GNAQ: variants seen among roughly 807,000 people sequenced by gnomAD.
The protein encoded by GNAQ is guanine nucleotide-binding protein G(q) subunit alpha.
In GNAQ, 8 loss-of-function variants were observed where a neutral mutation model predicts 43.9. That is an observed-to-expected ratio of 0.18 (90% confidence interval 0.11 to 0.33). The LOEUF is 0.33. Among genes scored for constraint, GNAQ ranks in the 10% least tolerant of loss-of-function variants. The pLI, the probability that GNAQ is intolerant of heterozygous loss-of-function variation, is 1.00. For missense variants in GNAQ, 158 were observed against 450.8 expected, an observed-to-expected ratio of 0.35 and a Z score of 5.88; for synonymous variants, 155 against 170.7, an observed-to-expected ratio of 0.91 and a Z score of 0.71.
At chr9:77,824,271 T>A (rs7861906) in intron 2 of GNAQ, among the ~76,000 whole-genome samples, 4,315 of 152,298 alleles carry the variant, frequency 0.028, 165 homozygotes, top group African/African-American at 0.091. Context: ...ACCTTAATAG[T>A]TTTAATTCAG....
At chr9:77,817,082 T>C (rs899111908) in intron 2 of GNAQ, among the ~76,000 whole-genome samples, 9 of 152,306 alleles carry the variant, frequency 5.9e-5, no homozygotes, top group African/African-American at 2.2e-4. Context: ...TGAGTCCCTG[T>C]GTAGGCAATC....
chr9:77,975,013 T>C (rs1259489985), intron 1 of GNAQ, among the ~76,000 whole-genome samples: 2 of 152,218 alleles, frequency 1.3e-5, no homozygotes, highest in Admixed American at 6.5e-5. Flanking sequence ...AACCCCTCAA[T>C]GGATCGACTC....
intron 5 of GNAQ, among the ~76,000 whole-genome samples, chr9:77,759,491 T>C (rs1196890266): frequency 6.6e-6 from 1 of 152,174 alleles, no homozygotes; most frequent in Non-Finnish European, 1.5e-5. Context: ...TCTACTTATA[T>C]GCGAAACACT....
chr9:77,826,715 T>G (rs1295324202), intron 2 of GNAQ, among the ~76,000 whole-genome samples: 1 of 152,152 alleles, frequency 6.6e-6, no homozygotes, highest in Non-Finnish European at 1.5e-5. Context: ...ATCCCTCCAA[T>G]GAGGTAATGA....
At chr9:77,906,596 T>C (rs1587400979) in intron 2 of GNAQ, among the ~76,000 whole-genome samples, 2 of 152,242 alleles carry the variant, frequency 1.3e-5, no homozygotes, top group East Asian at 3.8e-4. Context: ...ATTTTGTATA[T>C]AAGTCCATAC....
chr9:77,916,128 C>T lies in GNAQ; in HGVS notation c.321+6033G>A, dbSNP rs114167166. Among the ~76,000 whole-genome samples the T allele has an allele frequency of 1.8e-3, 279 of 152,300 alleles. 2 individuals are homozygous for T. The highest frequency in any genetic ancestry group is 6.3e-3 in the African/African-American group (261 of 41,560). Reference sequence around the variant, plus strand: ...TGAGCCTGCCCTAGTTTCTAAGAGGCCATCCTTCAGCTTCTACTCCCTTCT... The same window carrying T: ...TGAGCCTGCCCTAGTTTCTAAGAGGTCATCCTTCAGCTTCTACTCCCTTCT... On this transcript the variant is annotated intron_variant, in intron 2 of 6. Coordinates refer to ENST00000286548, the MANE Select transcript of GNAQ (RefSeq NM_002072.5).
rs200054457 is a variant in GNAQ at position 77,728,716 on chromosome 9, T to C, written c.736-49A>G. The C allele has an allele frequency of 2.5e-5, 32 of 1,279,874 alleles. No homozygotes were observed. The East Asian group carries it at 6.7e-4, about 27-fold the overall frequency. The allele number at this position is 1,279,874 out of a possible 1,614,324, so 79.3% of individuals were successfully genotyped here. ...AAAAACAAGGAGTGAATTACATGATTACTTAATTTGTGAATTGTGTTTATT... is the reference window on the plus strand; with the variant it reads ...AAAAACAAGGAGTGAATTACATGATCACTTAATTTGTGAATTGTGTTTATT... On this transcript the variant is annotated intron_variant, in intron 5 of 6. Transcript: ENST00000286548.
chr9:77,861,502 C>T (rs1203704281), intron 2 of GNAQ, among the ~76,000 whole-genome samples: 1 of 152,146 alleles, frequency 6.6e-6, no homozygotes, highest in East Asian at 1.9e-4. Flanking sequence ...GCTTATGAGC[C>T]TGTAAAATCA....
chr9:77,812,634 G>C (rs1045427283), intron 3 of GNAQ, among the ~76,000 whole-genome samples: 1 of 152,074 alleles, frequency 6.6e-6, no homozygotes, highest in Non-Finnish European at 1.5e-5. Flanking sequence ...ACCACCTCTA[G>C]AGGACATTTT....
rs1487385659 is a variant in GNAQ at position 78,031,006 on chromosome 9, CG to C, written c.136+93del. On this transcript the variant is annotated intron_variant, in intron 1 of 6. Transcript: ENST00000286548. ...GAGGGTAGGGGCGAACCGCGGGCGC[CG>C]GGGGGCGGGGGCGCCGAAGGCAGCT... is the stretch of plus-strand genomic sequence containing the variant. 42 of 953,432 alleles carry C rather than the reference CG, an allele frequency of 4.4e-5. 1 individual carries two copies. The highest frequency in any genetic ancestry group is 7.4e-5 in the South Asian group (2 of 27,190). 59.1% of individuals were successfully genotyped at this position (953,432 alleles called of 1,614,324 possible).
Position 78,016,002 on chromosome 9 carries a change from A to G in GNAQ, c.136+15098T>C, listed in dbSNP as rs912490784. Reference sequence around the variant, plus strand: ...ACAAGAATGTCAAGACAACTCAATGAGAAAAGAATACGTTTTTTTCAACAA... The same window carrying G: ...ACAAGAATGTCAAGACAACTCAATGGGAAAAGAATACGTTTTTTTCAACAA... On this transcript the variant is annotated intron_variant, in intron 1 of 6. Transcript: ENST00000286548. 2.0e-5 allele frequency among the ~76,000 whole-genome samples: 3 copies of G among 152,210 alleles called. No homozygotes were observed. The South Asian group carries it at 6.2e-4, about 31-fold the overall frequency.
At chr9:77,944,957 A>AG (rs1406230374) in intron 1 of GNAQ, among the ~76,000 whole-genome samples, 1 of 152,224 alleles carries the variant, frequency 6.6e-6, no homozygotes, top group African/African-American at 2.4e-5. Context: ...CAAGAACACC[A>AG]GGGGTCTCAA....
At chr9:77,916,941 C>T (rs1390508399) in intron 2 of GNAQ, among the ~76,000 whole-genome samples, 1 of 152,116 alleles carries the variant, frequency 6.6e-6, no homozygotes, top group East Asian at 1.9e-4. Flanking sequence ...ACAATACCAC[C>T]CTTATTTCAC....
At chr9:77,723,021 G>A (rs568045030) in intron 6 of GNAQ, among the ~76,000 whole-genome samples, 81 of 152,242 alleles carry the variant, frequency 5.3e-4, no homozygotes, top group African/African-American at 1.1e-3. Flanking sequence ...TCTGATAGGC[G>A]TTTAGTGTCC....
intron 2 of GNAQ, among the ~76,000 whole-genome samples, chr9:77,900,910 T>C (rs867973899): frequency 9.8e-5 from 15 of 152,340 alleles, no homozygotes; most frequent in African/African-American, 2.6e-4. Context: ...TCTCCATTTC[T>C]TTGTATTTTA....
chr9:77,835,211 C>T (rs536069590), intron 2 of GNAQ, among the ~76,000 whole-genome samples: 1 of 151,880 alleles, frequency 6.6e-6, no homozygotes. Context: ...TTCTGGATTT[C>T]TCCATTTAAT....
intron 3 of GNAQ, among the ~76,000 whole-genome samples, chr9:77,800,674 C>T (rs1422033550): frequency 6.6e-6 from 1 of 151,928 alleles, no homozygotes; most frequent in Non-Finnish European, 1.5e-5. Context: ...AACTAACCTG[C>T]ACATTGTGCA....
At chr9:77,781,548 A>G (rs1319921265) in intron 5 of GNAQ, among the ~76,000 whole-genome samples, 1 of 152,138 alleles carries the variant, frequency 6.6e-6, no homozygotes, top group African/African-American at 2.4e-5. Flanking sequence ...CCAAAACCAG[A>G]CAAAGTCATT....
chr9:77,945,745 G>C (rs752333034), intron 1 of GNAQ, among the ~76,000 whole-genome samples: 9 of 152,120 alleles, frequency 5.9e-5, no homozygotes, highest in Non-Finnish European at 1.2e-4. Flanking sequence ...GGAGCATTAA[G>C]ACCTATTAAA....
Sources: allele counts gnomAD v4.1 joint callset (sites outside exome capture counted in the v4.1 genomes callset), GRCh38; gene constraint gnomAD v4.1.1; transcripts MANE v1.5; gene names NCBI Gene and HGNC (gene_info 2026-07-23, HGNC 2026-07-21).